Variants in PARVA observed in about 807,000 individuals in gnomAD.
PARVA encodes the protein parvin alpha, also known as alpha-parvin.
In PARVA, 25 loss-of-function variants were observed where a neutral mutation model predicts 52.6. The observed-to-expected ratio is 0.48, with a 90% CI of 0.35 to 0.66. The LOEUF (loss-of-function observed/expected upper bound fraction) is 0.66, where lower values mean the gene tolerates loss of function less well. Ranked by LOEUF, PARVA falls within the 30% of genes least tolerant of loss-of-function variation. PARVA has a pLI of 0.01. For missense variants in PARVA, 373 were observed against 450.9 expected (o/e 0.83, Z 1.56); for synonymous variants, 185 against 179.1 (o/e 1.03, Z -0.26).
intron 12 of PARVA, among the ~76,000 whole-genome samples, chr11:12,518,882 G>C (rs1941605578): frequency 6.6e-6 from 1 of 152,212 alleles, no homozygotes; most frequent in Admixed American, 6.5e-5. Flanking sequence ...AGCGCAGACA[G>C]TTCTGGGCTG....
intron 1 of PARVA, among the ~76,000 whole-genome samples, chr11:12,435,784 G>GTT (rs146675862): frequency 0.012 from 1,760 of 152,040 alleles, 37 homozygotes; most frequent in African/African-American, 0.04. Context: ...CTATATCTCT[G>GTT]TTTTTTTGTT....
intron 6 of PARVA, among the ~76,000 whole-genome samples, chr11:12,508,117 AAAAAACC>A (rs1189183353): frequency 8.1e-5 from 10 of 123,976 alleles, no homozygotes; most frequent in South Asian, 2.5e-4. Flanking sequence ...AAAAAAAAAA[AAAAAACC>A]AAAAAAAAAA....
chr11:12,432,222 T>C (rs775106673), intron 1 of PARVA, among the ~76,000 whole-genome samples: 10 of 152,348 alleles, frequency 6.6e-5, no homozygotes, highest in Non-Finnish European at 1.0e-4. Context: ...TCACACATGT[T>C]AAAGAATTTA....
chr11:12,515,790 G>A (rs1486829410), intron 10 of PARVA, among the ~76,000 whole-genome samples: 1 of 152,138 alleles, frequency 6.6e-6, no homozygotes, highest in African/African-American at 2.4e-5. Context: ...TCATGCTCAG[G>A]CCGTTCCCAC....
chr11:12,474,103 C>T (rs1940972384), intron 3 of PARVA, 120 bp downstream of exon 3: 4 of 768,368 alleles, frequency 5.2e-6, no homozygotes, highest in Non-Finnish European at 6.7e-6. Flanking sequence ...CATGGCAGCC[C>T]CTGCCTCAGG....
At chr11:12,389,156 G>A (rs1370153432) in intron 1 of PARVA, among the ~76,000 whole-genome samples, 1 of 152,192 alleles carries the variant, frequency 6.6e-6, no homozygotes, top group Non-Finnish European at 1.5e-5. Context: ...GGTAGGATGG[G>A]AGGATGATGG....
At chr11:12,395,872 C>T (rs1055197565) in intron 1 of PARVA, among the ~76,000 whole-genome samples, 2 of 152,166 alleles carry the variant, frequency 1.3e-5, no homozygotes, top group Non-Finnish European at 2.9e-5. Context: ...CAATTAAAAC[C>T]CTGCTTTCCT....
intron 12 of PARVA, among the ~76,000 whole-genome samples, chr11:12,527,356 G>A (rs1245050693): frequency 6.6e-6 from 1 of 151,924 alleles, no homozygotes; most frequent in Admixed American, 6.6e-5. Flanking sequence ...AGAAGCTGAG[G>A]AACCTCCAGC....
intron 5 of PARVA, among the ~76,000 whole-genome samples, chr11:12,503,729 G>A (rs1589983075): frequency 6.6e-6 from 1 of 151,170 alleles, no homozygotes; most frequent in East Asian, 2.0e-4. Flanking sequence ...GCAAGACCCT[G>A]CTTCAAAAAA....
At chr11:12,453,650 A>T (rs1940655047) in intron 1 of PARVA, among the ~76,000 whole-genome samples, 1 of 152,204 alleles carries the variant, frequency 6.6e-6, no homozygotes, top group East Asian at 1.9e-4. Flanking sequence ...GTTTTTGGCA[A>T]GATTTTCCAT....
intron 4 of PARVA, among the ~76,000 whole-genome samples, chr11:12,488,628 C>T (rs1050179203): frequency 6.6e-6 from 1 of 152,046 alleles, no homozygotes; most frequent in Admixed American, 6.6e-5. Flanking sequence ...AAATTTGTCC[C>T]ACAGAAAGAG....
At chr11:12,451,126 C>T (rs992686994) in intron 1 of PARVA, among the ~76,000 whole-genome samples, 4 of 152,146 alleles carry the variant, frequency 2.6e-5, no homozygotes, top group African/African-American at 9.7e-5. Flanking sequence ...TTTTTCTTGC[C>T]CTGATGCTTT....
intron 1 of PARVA, among the ~76,000 whole-genome samples, chr11:12,405,269 A>G (rs1475688612): frequency 6.6e-6 from 1 of 152,226 alleles, no homozygotes; most frequent in Admixed American, 6.5e-5. Context: ...TCTTCTTCAG[A>G]TTGCCTAAAA....
At chr11:12,391,851 T>A (rs1313518076) in intron 1 of PARVA, among the ~76,000 whole-genome samples, 1 of 152,184 alleles carries the variant, frequency 6.6e-6, no homozygotes, top group Non-Finnish European at 1.5e-5. Flanking sequence ...GAGTGGGCAC[T>A]TTTTTAATAT....
intron 1 of PARVA, among the ~76,000 whole-genome samples, chr11:12,403,606 C>A (rs1164921223): frequency 6.6e-6 from 1 of 152,192 alleles, no homozygotes; most frequent in Non-Finnish European, 1.5e-5. Flanking sequence ...TCTTTATATT[C>A]AAAATAAGAG....
intron 1 of PARVA, among the ~76,000 whole-genome samples, chr11:12,424,285 A>G (rs1222776818): frequency 1.3e-5 from 2 of 152,138 alleles, no homozygotes; most frequent in African/African-American, 2.4e-5. Context: ...ACACTTTTAT[A>G]TCATCTGCAA....
Position 12,380,604 on chromosome 11 carries a change from A to C in PARVA, c.136+2821A>C, listed in dbSNP as rs1939471112. Among the ~76,000 whole-genome samples the C allele has an allele frequency of 2.7e-5, 4 of 150,910 alleles. No individual in the cohort carries two copies. The South Asian group carries it at 8.3e-4, about 31-fold the overall frequency. On this transcript the variant is annotated intron_variant, in intron 1 of 12. Transcript: ENST00000334956. ...GCGTCCATAGGGCACAGAGCAGTGC[A>C]GAGAATAGATCACAGTGGGGACGGT... is the stretch of plus-strand genomic sequence containing the variant.
At chr11:12,514,634 T>G (rs925245109) in intron 10 of PARVA, among the ~76,000 whole-genome samples, 1 of 152,158 alleles carries the variant, frequency 6.6e-6, no homozygotes, top group African/African-American at 2.4e-5. Flanking sequence ...ATTACAGGCA[T>G]GCGCCACCAA....
intron 1 of PARVA, among the ~76,000 whole-genome samples, chr11:12,390,808 A>G (rs1289108662): frequency 1.3e-5 from 2 of 152,172 alleles, no homozygotes; most frequent in African/African-American, 4.8e-5. Context: ...GGTAATTAAT[A>G]ATGACAGCTG....
Sources: gnomAD v4.1 joint callset for allele counts (sites outside exome capture counted in the v4.1 genomes callset) on GRCh38, gnomAD v4.1.1 for gene constraint, MANE v1.5 for transcripts, NCBI Gene and HGNC (gene_info 2026-07-23, HGNC 2026-07-21) for gene names.